Variants in YAF2 observed in about 807,000 individuals in gnomAD.
YAF2 encodes YY1 associated factor 2.
A neutral mutation model predicts 20.1 loss-of-function variants in YAF2; 7 were observed. The observed-to-expected ratio is 0.35, with a 90% CI of 0.20 to 0.65. The LOEUF is 0.65. Ranked by LOEUF, YAF2 falls within the 30% of genes least tolerant of loss-of-function variation. The probability of loss-of-function intolerance (pLI) is 0.69; values close to 1 mark genes in which losing one functional copy is unlikely to be tolerated. For synonymous variants in YAF2, 74 were observed against 76.0 expected, an observed-to-expected ratio of 0.97 and a Z score of 0.14; for missense variants, 151 against 219.2, an observed-to-expected ratio of 0.69 and a Z score of 1.96.
At chr12:42,210,110 A>G (rs1455657962) in intron 2 of YAF2, among the ~76,000 whole-genome samples, 2 of 152,102 alleles carry the variant, frequency 1.3e-5, no homozygotes, top group Admixed American at 1.3e-4. Context: ...CTAAATGTAT[A>G]ATTTTTTAGA....
intron 2 of YAF2, among the ~76,000 whole-genome samples, chr12:42,207,321 A>G (rs1285757795): frequency 6.6e-6 from 1 of 152,218 alleles, no homozygotes; most frequent in African/African-American, 2.4e-5. Flanking sequence ...TCATTTCTGA[A>G]AAGAAAGCAA....
At chr12:42,236,067 A>T (rs567174343) in intron 2 of YAF2, 1 of 1,510,392 alleles carries the variant, frequency 6.6e-7, no homozygotes, top group Non-Finnish European at 8.9e-7. Flanking sequence ...TAGAGAGGGA[A>T]CAACAAAAAG....
intron 2 of YAF2, among the ~76,000 whole-genome samples, chr12:42,162,589 T>C (rs905907305): frequency 6.6e-6 from 1 of 152,180 alleles, no homozygotes; most frequent in Admixed American, 6.5e-5. Context: ...AAGATAAAAA[T>C]ACATTTTAAC....
At chr12:42,234,199 GAAAAGAAAAGAA>G (rs1565666118) in intron 2 of YAF2, 48 of 160,204 alleles carry the variant, frequency 3.0e-4, no homozygotes, top group Admixed American at 1.1e-3. Flanking sequence ...AAAGAGAAAA[GAAAAGAAAAGAA>G]AAGAAAAGAA....
intron 2 of YAF2, among the ~76,000 whole-genome samples, chr12:42,236,922 C>G (rs910423082): frequency 6.6e-5 from 10 of 152,158 alleles, no homozygotes; most frequent in African/African-American, 2.4e-4. Context: ...TATTATACTG[C>G]AAGCTTACAA....
chr12:42,214,727 G>A (rs2067305512), intron 2 of YAF2, among the ~76,000 whole-genome samples: 1 of 151,998 alleles, frequency 6.6e-6, no homozygotes, highest in Admixed American at 6.6e-5. Context: ...GAGCTGGCCA[G>A]GCACAGTGGC....
chr12:42,222,646 T>A (rs886110056), intron 2 of YAF2, among the ~76,000 whole-genome samples: 6 of 152,156 alleles, frequency 3.9e-5, no homozygotes, highest in African/African-American at 1.4e-4. Context: ...ATCATCTACT[T>A]TGTAAATAAA....
chr12:42,175,989 A>G (rs1257823366), intron 2 of YAF2, among the ~76,000 whole-genome samples: 1 of 151,910 alleles, frequency 6.6e-6, no homozygotes, highest in African/African-American at 2.4e-5. Context: ...GCTCACACCC[A>G]TAATCCCAGC....
rs118009138 is a variant in YAF2 at position 42,189,503 on chromosome 12, A to G, written c.153-27738T>C. 2.1e-3 allele frequency among the ~76,000 whole-genome samples: 314 copies of G among 152,340 alleles called. 5 individuals are homozygous for G. In the East Asian group the frequency reaches 0.043, roughly 21 times the overall value. ...GGGCATCAGGGACAGACTGGGAGCA[A>G]GGAGAACCATTAGGGGCCTGAGAGC... On this transcript the variant is annotated intron_variant, in intron 2 of 3. Coordinates refer to ENST00000534854, the MANE Select transcript of YAF2 (RefSeq NM_005748.6).
chr12:42,220,705 AAAAGT>A (rs1238616970), intron 2 of YAF2, among the ~76,000 whole-genome samples: 1 of 152,218 alleles, frequency 6.6e-6, no homozygotes, highest in Non-Finnish European at 1.5e-5. Flanking sequence ...TATGTTCTAT[AAAAGT>A]AAAGTATGTT....
chr12:42,176,154 G>A (rs906898659), intron 2 of YAF2, among the ~76,000 whole-genome samples: 4 of 150,888 alleles, frequency 2.7e-5, no homozygotes, highest in Admixed American at 2.6e-4. Context: ...GCTGAGGCAG[G>A]AGAATCACTT....
chr12:42,187,605 T>C (rs1212663031), intron 2 of YAF2, among the ~76,000 whole-genome samples: 2 of 152,246 alleles, frequency 1.3e-5, no homozygotes, highest in African/African-American at 2.4e-5. Context: ...ATTCAAATCC[T>C]ACTCTGATAC....
At chr12:42,207,847 T>C (rs570744911) in intron 2 of YAF2, among the ~76,000 whole-genome samples, 1,597 of 152,132 alleles carry the variant, frequency 0.01, 17 homozygotes, top group Non-Finnish European at 0.016. Context: ...GCCGAGATCG[T>C]GCCACTGCAC....
At chr12:42,184,088 C>T (rs1375604225) in intron 2 of YAF2, among the ~76,000 whole-genome samples, 1 of 152,116 alleles carries the variant, frequency 6.6e-6, no homozygotes, top group African/African-American at 2.4e-5. Flanking sequence ...CCGTTAAGAC[C>T]TGAATTTAAA....
At chr12:42,172,636 A>G (rs1342140239) in intron 2 of YAF2, among the ~76,000 whole-genome samples, 2 of 152,244 alleles carry the variant, frequency 1.3e-5, no homozygotes, top group East Asian at 1.9e-4. Context: ...GAATAAATCA[A>G]GTACATACCC....
intron 2 of YAF2, among the ~76,000 whole-genome samples, chr12:42,207,647 C>T (rs2067083991): frequency 6.6e-6 from 1 of 152,150 alleles, no homozygotes; most frequent in Non-Finnish European, 1.5e-5. Context: ...AATCCCAGCA[C>T]TTTGGGAGGC....
At chr12:42,194,452 T>C (rs2066697578) in intron 2 of YAF2, among the ~76,000 whole-genome samples, 1 of 152,128 alleles carries the variant, frequency 6.6e-6, no homozygotes, top group Non-Finnish European at 1.5e-5. Flanking sequence ...GAGACCAGTC[T>C]GGCCAACACG....
intron 2 of YAF2, among the ~76,000 whole-genome samples, chr12:42,190,666 T>G (rs1052634553): frequency 2.3e-4 from 35 of 152,294 alleles, no homozygotes; most frequent in African/African-American, 8.2e-4. Context: ...ATCCTGTATG[T>G]TATTCATGTC....
chr12:42,220,663 A>C (rs2067486171), intron 2 of YAF2, among the ~76,000 whole-genome samples: 1 of 152,212 alleles, frequency 6.6e-6, no homozygotes, highest in Non-Finnish European at 1.5e-5. Context: ...AAAATCATTT[A>C]CTTGCTGCCA....
Sources: allele counts gnomAD v4.1 joint callset (sites outside exome capture counted in the v4.1 genomes callset), GRCh38; gene constraint gnomAD v4.1.1; transcripts MANE v1.5; gene names NCBI Gene and HGNC (gene_info 2026-07-23, HGNC 2026-07-21).